IRAG1: variants seen among roughly 807,000 people sequenced by gnomAD.
The protein encoded by IRAG1 is IP3R-associated cGMP kinase substrate.
In IRAG1, 62 loss-of-function variants were observed where a neutral mutation model predicts 106.2. That is an observed-to-expected ratio of 0.58 (90% confidence interval 0.48 to 0.72). The LOEUF is 0.72. Ranked by LOEUF, IRAG1 falls within the 30% of genes least tolerant of loss-of-function variation. IRAG1 has a pLI of 0.00. For missense variants in IRAG1, 1,064 were observed against 1,140.7 expected, an observed-to-expected ratio of 0.93 and a Z score of 0.97; for synonymous variants, 462 against 443.9, an observed-to-expected ratio of 1.04 and a Z score of -0.51.
At chr11:10,604,257 CA>C (rs1854291125) in intron 13 of IRAG1, 147 bp downstream of exon 13, 1 of 1,054,750 alleles carries the variant, frequency 9.5e-7, no homozygotes, top group Non-Finnish European at 1.4e-6. Flanking sequence ...CAGTTCCCCC[CA>C]ACTCTCTGAG....
At chr11:10,651,473 CTA>C (rs1291905875) in intron 2 of IRAG1, among the ~76,000 whole-genome samples, 2 of 152,200 alleles carry the variant, frequency 1.3e-5, no homozygotes, top group Non-Finnish European at 2.9e-5. Context: ...AGCACATAAC[CTA>C]TATTTTGTAA....
chr11:10,598,227 C>T (rs1853552341), intron 15 of IRAG1, among the ~76,000 whole-genome samples: 1 of 152,228 alleles, frequency 6.6e-6, no homozygotes, highest in Non-Finnish European at 1.5e-5. Context: ...AAGGCTGACA[C>T]TTGTCCCTAA....
At chr11:10,654,893 C>T (rs778378917) in intron 1 of IRAG1, among the ~76,000 whole-genome samples, 2 of 152,106 alleles carry the variant, frequency 1.3e-5, no homozygotes, top group Non-Finnish European at 2.9e-5. Context: ...ATGAGAACTA[C>T]GGGGCCAGGG....
At chr11:10,651,950 A>C (rs1003305519) in intron 2 of IRAG1, 75 bp downstream of exon 2, 33 of 1,460,516 alleles carry the variant, frequency 2.3e-5, no homozygotes, top group Non-Finnish European at 2.7e-5. Context: ...GCCAGCCTAA[A>C]AGCTGTGGCC....
chr11:10,664,347 G>A (rs148582682), intron 1 of IRAG1, among the ~76,000 whole-genome samples: 1 of 152,196 alleles, frequency 6.6e-6, no homozygotes, highest in Non-Finnish European at 1.5e-5. Context: ...ATGGAAATAG[G>A]CCCAATAACC....
intron 10 of IRAG1, among the ~76,000 whole-genome samples, chr11:10,613,274 A>G (rs59240867): frequency 1.3e-5 from 2 of 151,488 alleles, no homozygotes; most frequent in Non-Finnish European, 2.9e-5. Flanking sequence ...AAAAAAAAAA[A>G]AAAACCCAGA....
At chr11:10,662,434 A>G (rs1348475324) in intron 1 of IRAG1, among the ~76,000 whole-genome samples, 1 of 152,020 alleles carries the variant, frequency 6.6e-6, no homozygotes, top group African/African-American at 2.4e-5. Flanking sequence ...TACAACTAAA[A>G]CCTCACAAAA....
At chr11:10,675,639 C>A (rs2135143923) in intron 1 of IRAG1, among the ~76,000 whole-genome samples, 1 of 152,244 alleles carries the variant, frequency 6.6e-6, no homozygotes, top group African/African-American at 2.4e-5. Flanking sequence ...TTGGGGATCT[C>A]AGGGAATTTC....
chr11:10,614,424 C>A (rs927466029), intron 10 of IRAG1, among the ~76,000 whole-genome samples: 2 of 152,124 alleles, frequency 1.3e-5, no homozygotes, highest in Non-Finnish European at 1.5e-5. Flanking sequence ...ACTTTCTTCA[C>A]AGAATTGGAA....
At chr11:10,667,590 T>C (rs1859886272) in intron 1 of IRAG1, among the ~76,000 whole-genome samples, 1 of 152,198 alleles carries the variant, frequency 6.6e-6, no homozygotes, top group African/African-American at 2.4e-5. Context: ...GAAAAGCTGA[T>C]AACCAGAAAA....
At position 10,626,184 on chromosome 11, in the gene IRAG1, C is replaced by G. The variant is rs756114551; in HGVS notation, c.1150G>C (p.Val384Leu). The change falls in exon 9 of 21, where the codon GTG becomes CTG. Residue 384 changes from valine to leucine, a missense_variant. By Grantham distance (32) the Val-to-Leu change is conservative. Transcript: ENST00000423302. ...CCTCGCAGCAGCGGGGGCCGGGACACAGTGGGTGGAAGCTCAGCTTTGGAG... is the reference window on the plus strand; with the variant it reads ...CCTCGCAGCAGCGGGGGCCGGGACAGAGTGGGTGGAAGCTCAGCTTTGGAG... ...AGSKAELPPT[V>L]SRPPLLRGLS... 6.4e-6 allele frequency: 10 copies of G among 1,559,880 alleles called. No individual in the cohort carries two copies. In the Admixed American group the frequency reaches 1.9e-4, roughly 29 times the overall value.
At chr11:10,614,952 A>G (rs1043104376) in intron 10 of IRAG1, among the ~76,000 whole-genome samples, 1 of 152,232 alleles carries the variant, frequency 6.6e-6, no homozygotes, top group Non-Finnish European at 1.5e-5. Context: ...GATCTAATTA[A>G]AGAGCTTCTG....
intron 11 of IRAG1, among the ~76,000 whole-genome samples, chr11:10,608,168 T>A (rs1018677618): frequency 2.0e-5 from 3 of 152,162 alleles, no homozygotes; most frequent in African/African-American, 7.2e-5. Context: ...CAGGCTGGAG[T>A]GCAGTGGCAG....
At position 10,693,728 on chromosome 11, in the gene IRAG1, A is replaced by G. The variant is rs1028255112; in HGVS notation, c.-126T>C. On this transcript the variant is annotated 5_prime_UTR_variant, in exon 1 of 21. Transcript: ENST00000423302. ...AGCCGAGAGCTCCTCTGGGAGCCCCACTCCGGCCTGGCTCGGGGGATAATG... is the reference window on the plus strand; with the variant it reads ...AGCCGAGAGCTCCTCTGGGAGCCCCGCTCCGGCCTGGCTCGGGGGATAATG... The G allele has an allele frequency of 8.8e-7, 1 of 1,141,466 alleles. No individual in the cohort carries two copies. Among genetic ancestry groups the G allele is most frequent in the Non-Finnish European group, 1.2e-6 (1 of 811,330 alleles). The allele number at this position is 1,141,466 out of a possible 1,614,324, so 70.7% of individuals were successfully genotyped here.
At chr11:10,676,124 G>C (rs1410555363) in intron 1 of IRAG1, among the ~76,000 whole-genome samples, 1 of 152,242 alleles carries the variant, frequency 6.6e-6, no homozygotes, top group Non-Finnish European at 1.5e-5. Flanking sequence ...GTTCTTAGCT[G>C]TGATGCTCGT....
chr11:10,653,209 A>T (rs1164312379), intron 1 of IRAG1, among the ~76,000 whole-genome samples: 1 of 152,194 alleles, frequency 6.6e-6, no homozygotes, highest in East Asian at 1.9e-4. Context: ...CCATGAGGAA[A>T]GCCAGACAGA....
chr11:10,680,126 G>A (rs554962228), intron 1 of IRAG1, among the ~76,000 whole-genome samples: 4 of 151,392 alleles, frequency 2.6e-5, no homozygotes, highest in Non-Finnish European at 5.9e-5. Flanking sequence ...TACAAAAATT[G>A]GCCAGGCATG....
In IRAG1 at chr11:10,652,030, C is replaced by T. The variant is rs763827347; in HGVS notation, c.220G>A (p.Gly74Ser). ...GEPQAAQSPAGQGPPAAGVSC... is the reference protein window; with the variant it reads ...GEPQAAQSPASQGPPAAGVSC... ...GGCAGGGAGGGGGCACTTACTTGGC[C>T]GGCAGGGCTCTGGGCTGCCTGTGGC... Residue 74 changes from glycine (G) to serine (S), a missense_variant, in exon 2 of 21, where the codon GGC becomes AGC. Physicochemically the swap from Gly to Ser is moderately conservative, Grantham distance 56. Coordinates refer to ENST00000423302, the MANE Select transcript of IRAG1 (RefSeq NM_130385.4). 1.7e-5 allele frequency: 26 copies of T among 1,570,010 alleles called. No individual in the cohort carries two copies. Among genetic ancestry groups the T allele is most frequent in the East Asian group, 1.2e-4 (5 of 42,616 alleles).
At chr11:10,690,398 G>A (rs562707364) in intron 1 of IRAG1, 18 of 1,285,524 alleles carry the variant, frequency 1.4e-5, no homozygotes, top group East Asian at 5.6e-5. Context: ...TTTCCTGTCC[G>A]ACCAACTGTC....
Sources: gnomAD v4.1 joint callset for allele counts (sites outside exome capture counted in the v4.1 genomes callset) on GRCh38, gnomAD v4.1.1 for gene constraint, MANE v1.5 for transcripts, NCBI Gene and HGNC (gene_info 2026-07-23, HGNC 2026-07-21) for gene names.